The following UTY variants were observed in gnomAD, a reference collection of about 807,000 sequenced individuals.
UTY encodes the protein histone demethylase UTY.
Under a neutral mutation model 32.5 loss-of-function variants are expected in UTY, and 12 were observed. The ratio of observed to expected loss-of-function variants is 0.37; its 90% confidence interval spans 0.24 to 0.60. The LOEUF (loss-of-function observed/expected upper bound fraction) is 0.60, where lower values mean the gene tolerates loss of function less well. Ranked by LOEUF, UTY falls within the 20% of genes least tolerant of loss-of-function variation. UTY has a pLI of 0.69. For synonymous variants in UTY, 131 were observed against 103.4 expected, an observed-to-expected ratio of 1.27 and a Z score of -1.62; for missense variants, 303 against 299.2, an observed-to-expected ratio of 1.01 and a Z score of -0.09.
rs751042944 is a variant in UTY, at chrY:13,336,337, T to TA, written c.2062-3dup. On this transcript the variant is annotated splice_polypyrimidine_tract_variant and splice_region_variant and intron_variant, in intron 17 of 29. Transcript: ENST00000545955. ...TGAACTCTGACTTTTATGAAGCCCC[T>TA]AAAAAAAAAAAATTGAAATTTAATA... 17 of 154,076 alleles carry TA rather than the reference T, an allele frequency of 1.1e-4. No homozygotes were observed. Among genetic ancestry groups the TA allele is most frequent in the African/African-American group, 7.3e-4 (7 of 9,613 alleles). The allele number at this position is 154,076 out of a possible 400,897, so 38.4% of individuals were successfully genotyped here. A position where few individuals can be genotyped will look rare whatever the true frequency, so the allele number is the denominator to read the frequency against.
chrY:13,479,486 C>T, intron 1 of UTY, 28 bp downstream of exon 1: 3 of 398,567 alleles, frequency 7.5e-6, no homozygotes, highest in Non-Finnish European at 1.1e-5. Context: ...TATCGCCAGC[C>T]AACCAGGCGG....
intron 8 of UTY, among the ~76,000 whole-genome samples, chrY:13,372,946 A>G: frequency 6.0e-5 from 2 of 33,485 alleles, no homozygotes; most frequent in Admixed American, 5.5e-4. Flanking sequence ...ATTGCCATTA[A>G]GAATGGTACA....
chrY:13,324,926 T>G (rs533289154), intron 19 of UTY, among the ~76,000 whole-genome samples: 29 of 33,169 alleles, frequency 8.7e-4, no homozygotes, highest in African/African-American at 3.4e-3. Flanking sequence ...GTGGAGGTAA[T>G]AGCTAAAAAA....
chrY:13,410,944 C>T (rs781061677), intron 6 of UTY, 49 bp downstream of exon 6: 7 of 383,002 alleles, frequency 1.8e-5, no homozygotes, highest in South Asian at 1.2e-4. Flanking sequence ...TGTGCATGCA[C>T]GCACACACAT....
intron 4 of UTY, among the ~76,000 whole-genome samples, chrY:13,443,460 C>T (rs754981321): frequency 5.9e-5 from 2 of 33,674 alleles, no homozygotes; most frequent in South Asian, 1.3e-3. Context: ...GCCTTGTTTT[C>T]CCACCTCAAA....
At chrY:13,395,659 A>AACACAC (rs113496156) in intron 7 of UTY, among the ~76,000 whole-genome samples, 27 of 22,105 alleles carry the variant, frequency 1.2e-3, no homozygotes, top group African/African-American at 4.4e-3. Flanking sequence ...ACAAAATTAA[A>AACACAC]ACACACACAC....
intron 26 of UTY, among the ~76,000 whole-genome samples, 199 bp from the exon 27 acceptor site, chrY:13,298,047 T>G: frequency 3.0e-5 from 1 of 33,764 alleles, no homozygotes; most frequent in Non-Finnish European, 7.3e-5. Flanking sequence ...TGCGAGACAT[T>G]GTGCTAGGTT....
Position 13,396,932 on chromosome Y carries a change from A to G in UTY, c.596T>C (p.Leu199Ser). The G allele has an allele frequency of 2.7e-6, 1 of 367,724 alleles. No individual in the cohort carries two copies. Among genetic ancestry groups the G allele is most frequent in the Non-Finnish European group, 3.8e-6 (1 of 266,359 alleles). 91.7% of individuals were successfully genotyped at this position (367,724 alleles called of 400,897 possible). The change falls in exon 7 of 30, where the codon TTG becomes TCG. Residue 199 changes from leucine to serine, a missense_variant. Leu to Ser is a moderately radical substitution (Grantham distance 145, BLOSUM62 -2). Transcript: ENST00000545955. The part of the protein sequence containing the change: ...LALIDCNPCT[L>S]SNAEIQFHIA... ...AAAATACTTACTTTCAGCATTGGAC[A>G]AAGTACATGGATTACAGTCAATCAA...
At chrY:13,385,915 T>C in intron 8 of UTY, among the ~76,000 whole-genome samples, 1 of 31,644 alleles carries the variant, frequency 3.2e-5, no homozygotes, top group Non-Finnish European at 7.6e-5. Context: ...TGAGCTATTT[T>C]AATTTCTCTA....
chrY:13,437,378 C>G, intron 4 of UTY, among the ~76,000 whole-genome samples: 1 of 33,579 alleles, frequency 3.0e-5, no homozygotes, highest in Admixed American at 2.7e-4. Context: ...CCATCATACA[C>G]AGAAAAGCCA....
At chrY:13,327,849 TTGG>T (rs2060360206) in intron 18 of UTY, among the ~76,000 whole-genome samples, 1 of 33,857 alleles carries the variant, frequency 3.0e-5, no homozygotes, top group Non-Finnish European at 7.3e-5. Flanking sequence ...TGTACTAAAT[TTGG>T]TGAAGTATTT....
chrY:13,274,605 C>G, intron 27 of UTY, among the ~76,000 whole-genome samples: 1 of 31,046 alleles, frequency 3.2e-5, no homozygotes, highest in South Asian at 7.3e-4. Context: ...CATGGAGAAA[C>G]CCCGTCTCTA....
chrY:13,314,509 A>C (rs945411053), intron 21 of UTY, among the ~76,000 whole-genome samples: 9 of 34,197 alleles, frequency 2.6e-4, no homozygotes, highest in Non-Finnish European at 6.5e-4. Context: ...ATAAAGACAG[A>C]CATACGGACC....
intron 3 of UTY, among the ~76,000 whole-genome samples, chrY:13,464,681 A>G: frequency 3.1e-5 from 1 of 32,601 alleles, no homozygotes; most frequent in East Asian, 7.9e-4. Context: ...CTGAGGCACA[A>G]GAATCCCTTG....
exon 29 of UTY, chrY:13,234,775 G>A (rs1476470740): frequency 2.3e-5 from 3 of 128,425 alleles, no homozygotes; most frequent in Admixed American, 1.0e-4. Flanking sequence ...TTTATGGGCC[G>A]CAGAAGGGAG....
At chrY:13,247,200 CT>C (rs2053959879), downstream of UTY, among the ~76,000 whole-genome samples, 1 of 30,791 alleles carries the variant, frequency 3.2e-5, no homozygotes, top group African/African-American at 1.3e-4. Context: ...CAAAAAGAAT[CT>C]TTTTTTTTTA....
chrY:13,446,551 G>GAGATAGATAGATAGAT (rs765977720), intron 4 of UTY, among the ~76,000 whole-genome samples: 2 of 10,404 alleles, frequency 1.9e-4, no homozygotes, highest in Non-Finnish European at 3.9e-4. Flanking sequence ...GTAACAGTGT[G>GAGATAGATAGATAGAT]AGATAGATAG....
At position 13,412,495 on chromosome Y, in the gene UTY, T is replaced by G. The variant is rs2071082952; in HGVS notation, c.435-1382A>C. On this transcript the variant is annotated intron_variant, in intron 5 of 29. Transcript: ENST00000545955. Reference sequence around the variant, plus strand: ...AAGACAACACATTATTTAATATATATTAAAGCAATCACTATTTTGTATCTA... The same window carrying G: ...AAGACAACACATTATTTAATATATAGTAAAGCAATCACTATTTTGTATCTA... Among the ~76,000 whole-genome samples the G allele has an allele frequency of 1.2e-4, 4 of 33,476 alleles. No homozygotes were observed. In the East Asian group the frequency reaches 3.1e-3, roughly 26 times the overall value. 89.8% of individuals were successfully genotyped at this position (33,476 alleles called of 37,273 possible). A position where few individuals can be genotyped will look rare whatever the true frequency, so the allele number is the denominator to read the frequency against.
At chrY:13,470,068 A>G in intron 3 of UTY, 53 bp downstream of exon 3, 1 of 271,002 alleles carries the variant, frequency 3.7e-6, no homozygotes, top group Non-Finnish European at 5.3e-6. Context: ...AAACGTTACA[A>G]CTATGGGGCA....
Sources: allele counts gnomAD v4.1 joint callset (sites outside exome capture counted in the v4.1 genomes callset), GRCh38; gene constraint gnomAD v4.1.1; transcripts MANE v1.5; gene names NCBI Gene and HGNC (gene_info 2026-07-23, HGNC 2026-07-21).